Variants in GRK5 observed in about 807,000 individuals in gnomAD.
GRK5 encodes g protein-coupled receptor kinase GRK5.
In GRK5, 40 loss-of-function variants were observed where a neutral mutation model predicts 78.4. The observed-to-expected ratio is 0.51, with a 90% CI of 0.40 to 0.66. The LOEUF is 0.66. Ranked by LOEUF, GRK5 falls within the 30% of genes least tolerant of loss-of-function variation. GRK5 has a pLI of 0.00. For missense variants in GRK5, 598 were observed against 759.9 expected (o/e 0.79, Z 2.50); for synonymous variants, 289 against 296.8 (o/e 0.97, Z 0.27).
intron 1 of GRK5, among the ~76,000 whole-genome samples, chr10:119,233,453 G>A (rs755217329): frequency 2.6e-5 from 4 of 152,122 alleles, no homozygotes; most frequent in South Asian, 2.1e-4. Flanking sequence ...CTTGGTGGCC[G>A]TTGCCACAGC....
intron 4 of GRK5, among the ~76,000 whole-genome samples, chr10:119,398,337 T>C (rs1174545232): frequency 6.6e-6 from 1 of 152,212 alleles, no homozygotes; most frequent in Non-Finnish European, 1.5e-5. Context: ...GGCATAATGA[T>C]GACAGCTCCC....
chr10:119,315,770 C>T (rs887110975), intron 1 of GRK5, among the ~76,000 whole-genome samples: 2 of 152,162 alleles, frequency 1.3e-5, no homozygotes, highest in Non-Finnish European at 1.5e-5. Context: ...TGGCTGGGAA[C>T]GCGGTAGAGT....
intron 1 of GRK5, among the ~76,000 whole-genome samples, chr10:119,304,254 G>A (rs1445959604): frequency 6.6e-6 from 1 of 150,976 alleles, no homozygotes; most frequent in Non-Finnish European, 1.5e-5. Context: ...GGAAAGCAGG[G>A]CAACAGCAGT....
chr10:119,376,663 C>G (rs1368902006), intron 2 of GRK5, among the ~76,000 whole-genome samples: 1 of 149,070 alleles, frequency 6.7e-6, no homozygotes, highest in African/African-American at 2.5e-5. Flanking sequence ...CTCCCAGGTT[C>G]AAGCCATTCT....
At chr10:119,366,545 G>A (rs992018670) in intron 2 of GRK5, among the ~76,000 whole-genome samples, 4 of 152,196 alleles carry the variant, frequency 2.6e-5, no homozygotes, top group Non-Finnish European at 2.9e-5. Flanking sequence ...TTTGGGAAGA[G>A]CAACGGAAGA....
chr10:119,450,706 G>A (rs572073919), intron 13 of GRK5, among the ~76,000 whole-genome samples: 3 of 152,190 alleles, frequency 2.0e-5, no homozygotes, highest in South Asian at 4.1e-4. Context: ...TGGCCACTTC[G>A]AATCAGGGCA....
chr10:119,338,757 T>A (rs1850935409), intron 2 of GRK5, among the ~76,000 whole-genome samples: 1 of 152,226 alleles, frequency 6.6e-6, no homozygotes, highest in East Asian at 1.9e-4. Flanking sequence ...TTACTTCCTG[T>A]TGGTGAATTC....
chr10:119,451,108 G>A (rs1210297878), intron 13 of GRK5, among the ~76,000 whole-genome samples: 5 of 42,792 alleles, frequency 1.2e-4, no homozygotes, highest in South Asian at 1.6e-3. Context: ...CCCCACCGTC[G>A]TCCCTGCCAG....
chr10:119,330,869 A>T (rs1850764314), intron 2 of GRK5, among the ~76,000 whole-genome samples: 1 of 152,106 alleles, frequency 6.6e-6, no homozygotes, highest in Non-Finnish European at 1.5e-5. Context: ...AAAAACACAA[A>T]AATTAGCCAG....
At chr10:119,308,714 A>G (rs1478123847) in intron 1 of GRK5, among the ~76,000 whole-genome samples, 1 of 152,272 alleles carries the variant, frequency 6.6e-6, no homozygotes, top group African/African-American at 2.4e-5. Flanking sequence ...CAATGGCTGC[A>G]CAGGCACTGT....
rs573398822 is a variant in GRK5, at chr10:119,391,838, C to A, written c.262-4857C>A. On this transcript the variant is annotated intron_variant, in intron 3 of 15. Transcript: ENST00000392870. ...GACCAGGCGTGTCACTTGTCCCTGC[C>A]TCAAGGACTCTGGAAAAGCTGACCA... Among the ~76,000 whole-genome samples, 7 of 152,294 alleles carry A rather than the reference C, an allele frequency of 4.6e-5. No individual in the cohort carries two copies. The South Asian group carries it at 1.4e-3, about 32-fold the overall frequency.
intron 1 of GRK5, among the ~76,000 whole-genome samples, chr10:119,236,662 C>T (rs376856208): frequency 9.9e-5 from 15 of 151,990 alleles, no homozygotes; most frequent in African/African-American, 1.7e-4. Context: ...TTTTTTGAGA[C>T]GGAGTCTTGC....
At chr10:119,313,049 GGTAA>G (rs1850401437) in intron 1 of GRK5, among the ~76,000 whole-genome samples, 2 of 149,138 alleles carry the variant, frequency 1.3e-5, no homozygotes, top group African/African-American at 2.5e-5. Context: ...TGGTGGTGGT[GGTAA>G]TGATGATGGT....
chr10:119,209,385 G>C (rs1052717554), intron 1 of GRK5, among the ~76,000 whole-genome samples: 1 of 151,836 alleles, frequency 6.6e-6, no homozygotes, highest in Admixed American at 6.6e-5. Context: ...ATTCAGGTTA[G>C]TCTCCCTCCC....
At chr10:119,251,642 A>G (rs1343984683) in intron 1 of GRK5, among the ~76,000 whole-genome samples, 1 of 152,078 alleles carries the variant, frequency 6.6e-6, no homozygotes, top group African/African-American at 2.4e-5. Flanking sequence ...TCTGGGGGAA[A>G]GAAAATAAAA....
chr10:119,225,513 C>G (rs986516402), intron 1 of GRK5, among the ~76,000 whole-genome samples: 4 of 152,072 alleles, frequency 2.6e-5, no homozygotes, highest in Non-Finnish European at 5.9e-5. Flanking sequence ...GGAATGGGCC[C>G]TATCAAGCAC....
chr10:119,225,530 G>A (rs1017642054), intron 1 of GRK5, among the ~76,000 whole-genome samples: 1 of 152,024 alleles, frequency 6.6e-6, no homozygotes, highest in African/African-American at 2.4e-5. Flanking sequence ...GCACTCTTCT[G>A]GGCTCCTGGC....
intron 2 of GRK5, among the ~76,000 whole-genome samples, chr10:119,350,652 T>G (rs1353700404): frequency 6.6e-6 from 1 of 152,174 alleles, no homozygotes; most frequent in Admixed American, 6.5e-5. Context: ...AAGAACCCCT[T>G]TTTTGTGAAG....
At chr10:119,313,355 G>A (rs1410066043) in intron 1 of GRK5, among the ~76,000 whole-genome samples, 13 of 152,014 alleles carry the variant, frequency 8.6e-5, no homozygotes, top group African/African-American at 2.9e-4. Context: ...GGGTGGTGGT[G>A]ATGATGGTGG....
Sources: gnomAD v4.1 joint callset for allele counts (sites outside exome capture counted in the v4.1 genomes callset) on GRCh38, gnomAD v4.1.1 for gene constraint, MANE v1.5 for transcripts, NCBI Gene and HGNC (gene_info 2026-07-23, HGNC 2026-07-21) for gene names.